KIR3DL3: variants seen among roughly 807,000 people sequenced by gnomAD.
KIR3DL3 encodes killer cell immunoglobulin-like receptor 3DL3.
KIR3DL3 carries 27 observed loss-of-function variants against 34.9 expected under a neutral mutation model. That is an observed-to-expected ratio of 0.77 (90% CI 0.57 to 1.07). The LOEUF is 1.07. Among genes scored for constraint, KIR3DL3 ranks in the 50% least tolerant of loss-of-function variants. The probability of loss-of-function intolerance (pLI) is 0.00; values close to 1 mark genes in which losing one functional copy is unlikely to be tolerated. For missense variants in KIR3DL3, 681 were observed against 528.5 expected, an observed-to-expected ratio of 1.29 and a Z score of -2.83; for synonymous variants, 217 against 200.2, an observed-to-expected ratio of 1.08 and a Z score of -0.71.
rs1483260898 is a variant in KIR3DL3 at position 54,727,838 on chromosome 19, T to G, written c.583T>G (p.Cys195Gly). 1.2e-6 allele frequency: 2 copies of G among 1,614,036 alleles called. No individual in the cohort carries two copies. Among genetic ancestry groups the G allele is most frequent in the Admixed American group, 1.7e-5 (1 of 60,008 alleles). Residue 195 changes from cysteine to glycine, a missense_variant, in exon 4 of 8, where the codon TGC (cysteine) becomes GGC (glycine). Cys to Gly is a radical substitution (Grantham distance 159, BLOSUM62 -3). Coordinates refer to ENST00000291860, the MANE Select transcript of KIR3DL3 (RefSeq NM_153443.5). Reference protein sequence around the residue: ...MTPALAGTYRCFGSVTHLPYE... With the variant: ...MTPALAGTYRGFGSVTHLPYE... Reference sequence around the variant, plus strand: ...ACCTGCCCTTGCAGGGACCTACAGATGCTTTGGTTCTGTCACTCACTTACC... The same window carrying G: ...ACCTGCCCTTGCAGGGACCTACAGAGGCTTTGGTTCTGTCACTCACTTACC...
intron 3 of KIR3DL3, 52 bp from the exon 4 acceptor site, chr19:54,727,559 G>C: frequency 6.5e-7 from 1 of 1,542,300 alleles, no homozygotes; most frequent in South Asian, 1.2e-5. Context: ...CAGGTCCCAT[G>C]AATGGGATGA....
Position 54,730,017 on chromosome 19 carries a change from G to C in KIR3DL3, c.949+231G>C, listed in dbSNP as rs373439815. On this transcript the variant is annotated intron_variant, in intron 5 of 7. Transcript: ENST00000291860. ...CCAGGCACCCAGGCAGATGGAGAAA[G>C]AGGTCAGAACAGACCCAGAGGAGGG... Among the ~76,000 whole-genome samples the C allele has an allele frequency of 1.8e-3, 265 of 151,110 alleles. 1 individual carries two copies. Among genetic ancestry groups the C allele is most frequent in the African/African-American group, 5.9e-3 (242 of 41,214 alleles).
At position 54,735,996 on chromosome 19, in the gene KIR3DL3, A is replaced by C; in HGVS notation, c.1133A>C (p.Glu378Ala). The change falls in exon 8 of 8, where the codon GAG becomes GCG. Residue 378 changes from glutamate (E) to alanine (A), a missense_variant. By Grantham distance (107) the Glu-to-Ala change is moderately radical. Coordinates refer to ENST00000291860, the MANE Select transcript of KIR3DL3 (RefSeq NM_153443.5). The part of the protein sequence containing the change: ...REDSDEQDPQ[E>A]VTYAQLNHCV... ...GACTCTGATGAACAAGACCCTCAGG[A>C]GGTGACATACGCACAGTTGAATCAC... The C allele has an allele frequency of 6.2e-7, 1 of 1,613,556 alleles. No individual in the cohort carries two copies. The highest frequency in any genetic ancestry group is 2.2e-5 in the East Asian group (1 of 44,862).
chr19:54,731,907 A>G (rs2068836334), intron 5 of KIR3DL3, among the ~76,000 whole-genome samples: 1 of 152,090 alleles, frequency 6.6e-6, no homozygotes, highest in Non-Finnish European at 1.5e-5. Context: ...CACCAAGATA[A>G]TCCATCTCAA....
rs975251287 is a variant in KIR3DL3, at chr19:54,724,469, G to C, written c.-28G>C. 5 of 1,612,636 alleles carry C rather than the reference G, an allele frequency of 3.1e-6. No individual in the cohort carries two copies. The African/African-American group carries it at 4.0e-5, about 13-fold the overall frequency. On this transcript the variant is annotated 5_prime_UTR_variant, in exon 1 of 8. Transcript: ENST00000291860. ...GTGTGCTGCTGAACTGAGCTGGGGC[G>C]CAGCCGCCTGTCTGCACCGGCAGCA... is the stretch of plus-strand genomic sequence containing the variant.
chr19:54,731,969 A>C (rs2068843730), intron 5 of KIR3DL3, among the ~76,000 whole-genome samples: 1 of 152,194 alleles, frequency 6.6e-6, no homozygotes, highest in Non-Finnish European at 1.5e-5. Context: ...CTGATTAGCA[A>C]CCGTAATGCC....
chr19:54,726,325 A>G lies in KIR3DL3; in HGVS notation c.343A>G (p.Ile115Val). The G allele has an allele frequency of 6.2e-7, 1 of 1,613,356 alleles. No individual in the cohort carries two copies. The highest frequency in any genetic ancestry group is 8.5e-7 in the Non-Finnish European group (1 of 1,179,834). ...GTCGGCACCCAGCAACCCTGTGGTG[A>G]TCATGGTCACAGGTCAGAGGCTTTC... ...GWSAPSNPVVIMVTGVHRKPS... is the reference protein window; with the variant it reads ...GWSAPSNPVVVMVTGVHRKPS... Residue 115 changes from isoleucine to valine, a missense_variant, in exon 3 of 8, where the codon ATC becomes GTC. Ile to Val is a conservative substitution (Grantham distance 29). Coordinates refer to ENST00000291860, the MANE Select transcript of KIR3DL3 (RefSeq NM_153443.5).
At chr19:54,727,493 A>G (rs2146774763) in intron 3 of KIR3DL3, 118 bp from the exon 4 acceptor site, 1 of 898,114 alleles carries the variant, frequency 1.1e-6, no homozygotes, top group Non-Finnish European at 1.7e-6. Context: ...AAGAACACGG[A>G]GACACAGACA....
intron 5 of KIR3DL3, among the ~76,000 whole-genome samples, chr19:54,730,000 C>G (rs2068634737): frequency 6.7e-6 from 1 of 149,470 alleles, no homozygotes; most frequent in Admixed American, 6.7e-5. Context: ...TTCCAGGCAC[C>G]CAGGCAGATG....
chr19:54,733,118 G>A (rs1452767339), intron 5 of KIR3DL3, among the ~76,000 whole-genome samples: 2 of 152,100 alleles, frequency 1.3e-5, no homozygotes. Context: ...TTTCCTAGTA[G>A]TTTAATCCTT....
At chr19:54,732,150 C>G (rs1454326243) in intron 5 of KIR3DL3, among the ~76,000 whole-genome samples, 2 of 151,856 alleles carry the variant, frequency 1.3e-5, no homozygotes, top group Non-Finnish European at 1.5e-5. Flanking sequence ...TGGGTAAATG[C>G]GAGGGCAGAG....
At chr19:54,733,959 TG>T (rs1454744762) in intron 5 of KIR3DL3, among the ~76,000 whole-genome samples, 1 of 152,042 alleles carries the variant, frequency 6.6e-6, no homozygotes, top group African/African-American at 2.4e-5. Context: ...CAGGCTGTAT[TG>T]AAACAATAAA....
Position 54,736,488 on chromosome 19 carries a change from C to G in KIR3DL3, c.*392C>G. On this transcript the variant is annotated 3_prime_UTR_variant, in exon 8 of 8. Coordinates refer to ENST00000291860, the MANE Select transcript of KIR3DL3 (RefSeq NM_153443.5). ...CTCACAATTCCAAACATATAAGAGG[C>G]TCCCTCTTAACACGGCACTTAGATA... 1 of 276,822 alleles carries G rather than the reference C, an allele frequency of 3.6e-6. No homozygotes were observed. The highest frequency in any genetic ancestry group is 6.6e-6 in the Non-Finnish European group (1 of 152,644). The allele number at this position is 276,822 out of a possible 1,614,324, so 17.1% of individuals were successfully genotyped here.
chr19:54,733,630 T>TA (rs1172049641), intron 5 of KIR3DL3, among the ~76,000 whole-genome samples: 5 of 152,238 alleles, frequency 3.3e-5, no homozygotes, highest in African/African-American at 1.2e-4. Flanking sequence ...TTTGACCCTT[T>TA]ATCTTATCCA....
In KIR3DL3 at chr19:54,735,302, C is replaced by G; in HGVS notation, c.999C>G (p.Ile333Met). ...TGATTGGGACCTCAGTGGTCATCAT[C>G]CCCTTTGCTATCCTCCTCTTCTTTC... is the stretch of plus-strand genomic sequence containing the variant. ...HVLIGTSVVI[I>M]PFAILLFFLL... The change falls in exon 6 of 8, where the codon ATC becomes ATG. Residue 333 changes from isoleucine to methionine, a missense_variant. Ile to Met is a conservative substitution (Grantham distance 10). Transcript: ENST00000291860. 1 of 1,519,388 alleles carries G rather than the reference C, an allele frequency of 6.6e-7. No homozygotes were observed. Among genetic ancestry groups the G allele is most frequent in the Non-Finnish European group, 9.1e-7 (1 of 1,099,706 alleles). The allele number at this position is 1,519,388 out of a possible 1,614,324, so 94.1% of individuals were successfully genotyped here.
At chr19:54,728,012 C>T (rs2068393398) in intron 4 of KIR3DL3, 102 bp downstream of exon 4, 1 of 1,199,598 alleles carries the variant, frequency 8.3e-7, no homozygotes, top group Admixed American at 2.2e-5. Context: ...GTGTGGGGTT[C>T]CTATGGAGAG....
intron 5 of KIR3DL3, among the ~76,000 whole-genome samples, chr19:54,734,272 A>G (rs2069178230): frequency 6.6e-6 from 1 of 151,584 alleles, no homozygotes; most frequent in South Asian, 2.1e-4. Context: ...CCTGGAATGC[A>G]CCTGGGCCTA....
intron 4 of KIR3DL3, among the ~76,000 whole-genome samples, chr19:54,728,988 TAGAG>T (rs2146795020): frequency 8.1e-6 from 1 of 123,424 alleles, no homozygotes; most frequent in East Asian, 2.1e-4. Flanking sequence ...TAAATAGATA[TAGAG>T]AGATAGAAAG....
Position 54,736,090 on chromosome 19 carries a change from C to T in KIR3DL3, c.1227C>T (p.Ser409=), listed in dbSNP as rs781440017. The change falls in exon 8 of 8, where the codon AGC becomes AGT. Residue 409 remains serine, a synonymous_variant. Coordinates refer to ENST00000291860, the MANE Select transcript of KIR3DL3 (RefSeq NM_153443.5). The part of the protein sequence containing the change: ...QRPKTPPTDT[S]V Reference sequence around the variant, plus strand: ...CCAAGACACCCCCAACAGATACCAGCGTGTAACACGGAACTTCCAAATGCT... The same window carrying T: ...CCAAGACACCCCCAACAGATACCAGTGTGTAACACGGAACTTCCAAATGCT... 7 of 1,613,160 alleles carry T rather than the reference C, an allele frequency of 4.3e-6. No individual in the cohort carries two copies. Among genetic ancestry groups the T allele is most frequent in the South Asian group, 3.3e-5 (3 of 90,994 alleles).
Sources: gnomAD v4.1 joint callset for allele counts (sites outside exome capture counted in the v4.1 genomes callset) on GRCh38, gnomAD v4.1.1 for gene constraint, MANE v1.5 for transcripts, NCBI Gene and HGNC (gene_info 2026-07-23, HGNC 2026-07-21) for gene names.